The following CCSER2 variants were observed in gnomAD, a reference collection of about 807,000 sequenced individuals.
The protein encoded by CCSER2 is serine-rich coiled-coil domain-containing protein 2.
Under a neutral mutation model 92.3 loss-of-function variants are expected in CCSER2, and 46 were observed. The observed-to-expected ratio is 0.50, with a 90% confidence interval of 0.39 to 0.64. The LOEUF (loss-of-function observed/expected upper bound fraction) is 0.64. CCSER2 is among the 30% of genes least tolerant of loss of function. The probability of loss-of-function intolerance (pLI) is 0.00; values close to 1 mark genes in which losing one functional copy is unlikely to be tolerated. For missense variants in CCSER2, 1,244 were observed against 1,238.9 expected (o/e 1.00, Z -0.06); for synonymous variants, 433 against 431.4 (o/e 1.00, Z -0.04).
At chr10:84,415,622 C>T (rs1247471461) in intron 3 of CCSER2, among the ~76,000 whole-genome samples, 1 of 152,176 alleles carries the variant, frequency 6.6e-6, no homozygotes, top group Non-Finnish European at 1.5e-5. Flanking sequence ...TGATCTCATC[C>T]ATTTAGGAGA....
rs1564568432 is a variant in CCSER2, at chr10:84,328,599, C to CGGGCGCCGGCCGAGGGAGG, written c.-242_-224dup. On this transcript the variant is annotated 5_prime_UTR_variant, in exon 1 of 10. Coordinates refer to ENST00000372088, the MANE Select transcript of CCSER2 (RefSeq NM_001284240.2). Reference sequence around the variant, plus strand: ...CCGGCCCTGGAGGGCGGAGTCCGGGCGGGCGCCGGCCGAGGGAGGGGGCGC... The same window carrying CGGGCGCCGGCCGAGGGAGG: ...CCGGCCCTGGAGGGCGGAGTCCGGGCGGGCGCCGGCCGAGGGAGGGGGCGCCGGCCGAGGGAGGGGGCGC... 6.6e-6 allele frequency: 1 copy of CGGGCGCCGGCCGAGGGAGG among 150,558 alleles called. No homozygotes were observed. The allele number at this position is 150,558 out of a possible 1,614,324, so 9.3% of individuals were successfully genotyped here.
At chr10:84,374,730 G>A (rs1333129612) in intron 3 of CCSER2, among the ~76,000 whole-genome samples, 1 of 152,176 alleles carries the variant, frequency 6.6e-6, no homozygotes, top group East Asian at 1.9e-4. Context: ...TATGCCATAT[G>A]GGTAAAGTGT....
chr10:84,457,258 A>AATATAT (rs1845701561), intron 6 of CCSER2, among the ~76,000 whole-genome samples: 3 of 42,356 alleles, frequency 7.1e-5, no homozygotes, highest in Non-Finnish European at 1.3e-4. Context: ...ATATTATATA[A>AATATAT]AATATATTAT....
intron 3 of CCSER2, among the ~76,000 whole-genome samples, chr10:84,409,500 G>A (rs566756987): frequency 1.3e-5 from 2 of 151,452 alleles, no homozygotes; most frequent in Admixed American, 1.3e-4. Context: ...TATTTTCTAT[G>A]TATATTATAG....
chr10:84,449,470 T>C (rs1328714685), intron 6 of CCSER2, among the ~76,000 whole-genome samples: 2 of 152,254 alleles, frequency 1.3e-5, no homozygotes, highest in Admixed American at 6.5e-5. Context: ...TTAAACTCTC[T>C]GTGCTGCAGT....
Position 84,371,255 on chromosome 10 carries a change from A to G in CCSER2, c.203A>G (p.Lys68Arg). ...CPSSHSFNWR[K>R]ANKYQLCAQG... ...TCATCTCATTCATTTAATTGGAGGAAAGCAAATAAATATCAGCTTTGTGCA... is the reference window on the plus strand; with the variant it reads ...TCATCTCATTCATTTAATTGGAGGAGAGCAAATAAATATCAGCTTTGTGCA... Residue 68 changes from lysine to arginine, a missense_variant, in exon 2 of 10, where the codon AAA (lysine) becomes AGA (arginine). Transcript: ENST00000372088. 6.2e-7 allele frequency: 1 copy of G among 1,613,082 alleles called. No individual in the cohort carries two copies.
intron 3 of CCSER2, among the ~76,000 whole-genome samples, chr10:84,388,668 GAC>G: frequency 6.6e-6 from 1 of 152,200 alleles, no homozygotes; most frequent in East Asian, 1.9e-4. Flanking sequence ...TTTTGGGGAA[GAC>G]AGTTTTTCCA....
chr10:84,386,517 G>T (rs1416603139), intron 3 of CCSER2, among the ~76,000 whole-genome samples: 1 of 152,160 alleles, frequency 6.6e-6, no homozygotes, highest in Non-Finnish European at 1.5e-5. Context: ...AGGAGTTCAA[G>T]ACCAGCTTGG....
intron 1 of CCSER2, 59 bp from the exon 2 acceptor site, chr10:84,370,955 A>C (rs1564605686): frequency 4.0e-6 from 3 of 750,916 alleles, no homozygotes; most frequent in Non-Finnish European, 6.1e-6. Flanking sequence ...ATTATGTAAT[A>C]ATTCATGTAA....
In CCSER2 at chr10:84,371,620, G is replaced by T. The variant is rs766154480; in HGVS notation, c.568G>T (p.Ala190Ser). The T allele has an allele frequency of 1.2e-6, 2 of 1,613,434 alleles. No individual in the cohort carries two copies. The highest frequency in any genetic ancestry group is 1.3e-5 in the African/African-American group (1 of 74,908). ...RSAGSMQRPR[A>S]NSCATRSSSG... ...AGCTGGTAGCATGCAAAGGCCTAGA[G>T]CGAACTCCTGTGCCACCAGAAGCAG... Residue 190 changes from alanine to serine, a missense_variant, in exon 2 of 10, where the codon GCG (alanine) becomes TCG (serine). Coordinates refer to ENST00000372088, the MANE Select transcript of CCSER2 (RefSeq NM_001284240.2).
At chr10:84,465,271 GTGTGTGTGTGTGTGTGTGTGAA>G (rs1846334484) in intron 7 of CCSER2, among the ~76,000 whole-genome samples, 1 of 117,132 alleles carries the variant, frequency 8.5e-6, no homozygotes, top group Non-Finnish European at 1.6e-5. Context: ...GTGTGTGTGT[GTGTGTGTGTGTGTGTGTGTGAA>G]AAAGTTTTTT....
chr10:84,404,207 G>A (rs1842262035), intron 3 of CCSER2, among the ~76,000 whole-genome samples: 1 of 152,070 alleles, frequency 6.6e-6, no homozygotes, highest in African/African-American at 2.4e-5. Flanking sequence ...GATACACAGG[G>A]GGCTCCATGC....
chr10:84,440,566 T>C (rs1490086602), intron 6 of CCSER2, among the ~76,000 whole-genome samples: 2 of 152,236 alleles, frequency 1.3e-5, no homozygotes, highest in Non-Finnish European at 2.9e-5. Context: ...AACAGGTTAC[T>C]GTCCAAAGCT....
intron 8 of CCSER2, among the ~76,000 whole-genome samples, chr10:84,476,508 A>C (rs1362167588): frequency 1.5e-5 from 2 of 132,576 alleles, no homozygotes; most frequent in Admixed American, 1.9e-4. Context: ...GCAGTGGTGC[A>C]ATCTGTGCTC....
chr10:84,509,099 C>T (rs1008234532), intron 9 of CCSER2, among the ~76,000 whole-genome samples: 11 of 152,194 alleles, frequency 7.2e-5, no homozygotes, highest in East Asian at 1.9e-4. Flanking sequence ...GTATTTCCTG[C>T]TATCCTTCTA....
intron 9 of CCSER2, among the ~76,000 whole-genome samples, chr10:84,481,835 C>T (rs1256158403): frequency 3.3e-5 from 5 of 151,922 alleles, no homozygotes; most frequent in African/African-American, 9.7e-5. Flanking sequence ...GCCATAGGAC[C>T]GTATTCCAGA....
intron 6 of CCSER2, among the ~76,000 whole-genome samples, chr10:84,446,465 C>T (rs747764028): frequency 6.6e-6 from 1 of 152,088 alleles, no homozygotes; most frequent in Non-Finnish European, 1.5e-5. Flanking sequence ...TTAGTGGCAT[C>T]ATCCTAAGTG....
At chr10:84,486,594 G>A (rs1225978971) in intron 9 of CCSER2, among the ~76,000 whole-genome samples, 1 of 152,052 alleles carries the variant, frequency 6.6e-6, no homozygotes, top group African/African-American at 2.4e-5. Flanking sequence ...GGGGTTGTTT[G>A]TTTTTTTCTT....
rs1294313829 is a variant in CCSER2 at position 84,482,731 on chromosome 10, C to T, written c.2325+5067C>T. 2.0e-5 allele frequency among the ~76,000 whole-genome samples: 3 copies of T among 152,172 alleles called. No homozygotes were observed. In the East Asian group the frequency reaches 5.8e-4, roughly 29 times the overall value. ...TGCCTTATTACTTATCCCCTTGAATCTCTACGCAGGGAGAACAGGTTAGAC... is the reference window on the plus strand; with the variant it reads ...TGCCTTATTACTTATCCCCTTGAATTTCTACGCAGGGAGAACAGGTTAGAC... On this transcript the variant is annotated intron_variant, in intron 9 of 9. Coordinates refer to ENST00000372088, the MANE Select transcript of CCSER2 (RefSeq NM_001284240.2).
Sources: gnomAD v4.1 joint callset for allele counts (sites outside exome capture counted in the v4.1 genomes callset) on GRCh38, gnomAD v4.1.1 for gene constraint, MANE v1.5 for transcripts, NCBI Gene and HGNC (gene_info 2026-07-23, HGNC 2026-07-21) for gene names.